Variants in PCDH15 observed in about 807,000 individuals in gnomAD.
PCDH15 encodes protocadherin-15.
PCDH15 carries 129 observed loss-of-function variants against 178.5 expected under a neutral mutation model. That is an observed-to-expected ratio of 0.72 (90% CI 0.63 to 0.84). PCDH15 has a LOEUF of 0.84. PCDH15 is among the 40% of genes least tolerant of loss of function. The pLI is 0.00. For missense variants in PCDH15, 2,230 were observed against 2,099.9 expected, an observed-to-expected ratio of 1.06 and a Z score of -1.21; for synonymous variants, 800 against 732.0, an observed-to-expected ratio of 1.09 and a Z score of -1.50.
intron 1 of PCDH15, among the ~76,000 whole-genome samples, chr10:54,743,139 C>T (rs1945026634): frequency 6.6e-6 from 1 of 151,938 alleles, no homozygotes; most frequent in Non-Finnish European, 1.5e-5. Context: ...AATGGAATGG[C>T]AAGTGAAAAT....
chr10:54,873,695 TTATA>T (rs4019624), intron 3 of PCDH15, among the ~76,000 whole-genome samples: 1 of 138,920 alleles, frequency 7.2e-6, no homozygotes, highest in East Asian at 2.1e-4. Flanking sequence ...CTGCTGTATT[TTATA>T]TATATATATA....
intron 2 of PCDH15, among the ~76,000 whole-genome samples, chr10:55,573,573 G>A (rs1203493723): frequency 6.6e-6 from 1 of 152,038 alleles, no homozygotes; most frequent in Non-Finnish European, 1.5e-5. Flanking sequence ...TTGAAAAGCT[G>A]CTATATTTGA....
chr10:53,987,635 A>T (rs2091199613), intron 21 of PCDH15, among the ~76,000 whole-genome samples: 1 of 152,216 alleles, frequency 6.6e-6, no homozygotes, highest in Admixed American at 6.5e-5. Flanking sequence ...ATGTCCCCAG[A>T]TGCCTCAGAC....
At chr10:54,607,987 C>A in intron 2 of PCDH15, 1 of 483,910 alleles carries the variant, frequency 2.1e-6, no homozygotes, top group Non-Finnish European at 4.0e-6. Flanking sequence ...GCTTTGCCTA[C>A]ATCATTTTGG....
chr10:54,331,051 AAAC>A (rs1939435223), intron 6 of PCDH15, among the ~76,000 whole-genome samples: 1 of 151,796 alleles, frequency 6.6e-6, no homozygotes, highest in Non-Finnish European at 1.5e-5. Flanking sequence ...AAGAAGAAAA[AAAC>A]TGTGTATGTG....
chr10:55,142,477 T>A (rs1275049439), intron 2 of PCDH15, among the ~76,000 whole-genome samples: 1 of 151,492 alleles, frequency 6.6e-6, no homozygotes, highest in Non-Finnish European at 1.5e-5. Flanking sequence ...TATATGCACA[T>A]ATAAGTTAAA....
chr10:54,104,962 G>A (rs2094884624), intron 15 of PCDH15, among the ~76,000 whole-genome samples: 1 of 151,234 alleles, frequency 6.6e-6, no homozygotes, highest in Non-Finnish European at 1.5e-5. Flanking sequence ...TATGTATAGA[G>A]TCACTAAACT....
intron 1 of PCDH15, among the ~76,000 whole-genome samples, chr10:55,316,011 T>C (rs910416345): frequency 6.6e-6 from 1 of 152,154 alleles, no homozygotes; most frequent in Admixed American, 6.6e-5. Flanking sequence ...GCAAGGCTCC[T>C]TCTAAAAACA....
At chr10:54,662,692 C>T (rs1356625881) in intron 2 of PCDH15, among the ~76,000 whole-genome samples, 2 of 151,894 alleles carry the variant, frequency 1.3e-5, no homozygotes, top group Non-Finnish European at 2.9e-5. Context: ...GTGCATGGTT[C>T]GTGGATGTCT....
intron 3 of PCDH15, among the ~76,000 whole-genome samples, chr10:54,873,438 G>A (rs1289559044): frequency 6.7e-6 from 1 of 150,360 alleles, no homozygotes; most frequent in Non-Finnish European, 1.5e-5. Context: ...TGAGCTGATA[G>A]TTTTGTGATA....
intron 3 of PCDH15, among the ~76,000 whole-genome samples, chr10:54,854,045 AG>A (rs1368795416): frequency 1.3e-5 from 2 of 152,286 alleles, no homozygotes; most frequent in Non-Finnish European, 2.9e-5. Flanking sequence ...TAGAATGGCG[AG>A]GGGTGTGTGA....
At chr10:55,413,388 AT>A (rs1357251170) in intron 2 of PCDH15, among the ~76,000 whole-genome samples, 1 of 151,094 alleles carries the variant, frequency 6.6e-6, no homozygotes, top group Non-Finnish European at 1.5e-5. Context: ...TGTTTAGCAT[AT>A]TTTAAAGGAC....
intron 2 of PCDH15, among the ~76,000 whole-genome samples, chr10:55,584,153 G>A (rs1842678463): frequency 6.6e-6 from 1 of 151,938 alleles, no homozygotes; most frequent in South Asian, 2.1e-4. Context: ...CAAAGTGCTG[G>A]GCTCCACCGC....
intron 14 of PCDH15, among the ~76,000 whole-genome samples, chr10:54,134,489 C>T (rs1413229198): frequency 2.0e-5 from 3 of 152,096 alleles, no homozygotes; most frequent in African/African-American, 7.2e-5. Context: ...CACGGTGGCT[C>T]ACACCTGTAA....
At chr10:55,114,109 C>T (rs754276611) in intron 2 of PCDH15, among the ~76,000 whole-genome samples, 30 of 152,100 alleles carry the variant, frequency 2.0e-4, no homozygotes, top group African/African-American at 6.3e-4. Flanking sequence ...CCACCACGCC[C>T]GGCTAATTTC....
intron 29 of PCDH15, among the ~76,000 whole-genome samples, chr10:53,836,012 G>A (rs7075046): frequency 2.4e-3 from 371 of 152,224 alleles, no homozygotes; most frequent in African/African-American, 6.2e-3. Flanking sequence ...AACAAGGGCC[G>A]TAAGTATTAG....
intron 15 of PCDH15, among the ~76,000 whole-genome samples, chr10:54,115,566 C>T (rs1017706978): frequency 1.3e-5 from 2 of 152,190 alleles, no homozygotes; most frequent in African/African-American, 2.4e-5. Flanking sequence ...AATATTGATG[C>T]AGACATATAA....
At chr10:54,256,411 T>C (rs1297687127) in intron 8 of PCDH15, among the ~76,000 whole-genome samples, 3 of 152,192 alleles carry the variant, frequency 2.0e-5, no homozygotes, top group Non-Finnish European at 4.4e-5. Context: ...CAAACACTTA[T>C]TGAGAGAAAG....
chr10:54,777,895 G>T (rs1401917045), intron 1 of PCDH15, among the ~76,000 whole-genome samples: 6 of 152,166 alleles, frequency 3.9e-5, no homozygotes, highest in Non-Finnish European at 8.8e-5. Context: ...TGGGGTTTTA[G>T]ATCTTTTCTT....
Sources: allele counts gnomAD v4.1 joint callset (sites outside exome capture counted in the v4.1 genomes callset), GRCh38; gene constraint gnomAD v4.1.1; transcripts MANE v1.5; gene names NCBI Gene and HGNC (gene_info 2026-07-23, HGNC 2026-07-21).